Variants in LMO7 observed in about 807,000 individuals in gnomAD.
LMO7 encodes the protein LIM domain only protein 7.
LMO7 carries 120 observed loss-of-function variants against 206.5 expected under a neutral mutation model. That is an observed-to-expected ratio of 0.58 (90% CI 0.50 to 0.68). The LOEUF (loss-of-function observed/expected upper bound fraction) is 0.68. LMO7 is among the 30% of genes least tolerant of loss of function. LMO7 has a pLI of 0.00. For missense variants in LMO7, 1,959 were observed against 1,957.9 expected, an observed-to-expected ratio of 1.00 and a Z score of -0.01; for synonymous variants, 706 against 681.5, an observed-to-expected ratio of 1.04 and a Z score of -0.56.
intron 15 of LMO7, among the ~76,000 whole-genome samples, chr13:75,826,445 T>G (rs568652690): frequency 8.5e-5 from 13 of 152,172 alleles, no homozygotes; most frequent in Non-Finnish European, 1.8e-4. Flanking sequence ...AAGACTGGCA[T>G]CAGATTAACT....
intron 2 of LMO7, among the ~76,000 whole-genome samples, chr13:75,722,387 A>G (rs1021098016): frequency 6.6e-6 from 1 of 152,192 alleles, no homozygotes; most frequent in African/African-American, 2.4e-5. Flanking sequence ...GGCTAAGGAC[A>G]TAAATAGACA....
Position 75,821,548 on chromosome 13 carries a change from T to A in LMO7, c.2579T>A (p.Val860Asp). The A allele has an allele frequency of 6.2e-7, 1 of 1,614,022 alleles. No homozygotes were observed. The highest frequency in any genetic ancestry group is 1.7e-5 in the Admixed American group (1 of 60,016). ...GATACAGTCAGGTTAACATCTGTGG[T>A]CACACCAAGACCCTTTGGCTCTCAG... ...KTDTVRLTSV[V>D]TPRPFGSQTR... is the part of the protein sequence containing the mutation. Residue 860 changes from valine to aspartate, a missense_variant, in exon 14 of 31, where the codon GTC becomes GAC. Transcript: ENST00000377534.
chr13:75,626,596 T>TATATATACA (rs2034212591), intron 2 of LMO7, among the ~76,000 whole-genome samples: 1 of 119,902 alleles, frequency 8.3e-6, no homozygotes. Context: ...TATATATAAA[T>TATATATACA]TTTTTTGAGA....
At chr13:75,846,848 T>C (rs1163740382) in intron 26 of LMO7, among the ~76,000 whole-genome samples, 3 of 151,956 alleles carry the variant, frequency 2.0e-5, no homozygotes, top group African/African-American at 7.3e-5. Flanking sequence ...CTGACCAACA[T>C]AGTGAAACCC....
intron 1 of LMO7, among the ~76,000 whole-genome samples, chr13:75,711,945 C>T (rs1047926172): frequency 6.6e-6 from 1 of 152,214 alleles, no homozygotes; most frequent in Non-Finnish European, 1.5e-5. Context: ...GAAGGATCTA[C>T]CTCTTCCTGA....
intron 3 of LMO7, among the ~76,000 whole-genome samples, chr13:75,732,878 T>C (rs1020546149): frequency 6.6e-6 from 1 of 152,206 alleles, no homozygotes; most frequent in Admixed American, 6.5e-5. Context: ...TGGAGTTTGC[T>C]AGAGGTCCAC....
chr13:75,732,615 TCTC>T (rs2045363144), intron 3 of LMO7, among the ~76,000 whole-genome samples: 1 of 152,248 alleles, frequency 6.6e-6, no homozygotes, highest in African/African-American at 2.4e-5. Flanking sequence ...GAAGCCTTCT[TCTC>T]TCAACTCGTC....
chr13:75,681,736 A>ATATATATATATATG (rs1555293420), intron 1 of LMO7, among the ~76,000 whole-genome samples: 1 of 133,220 alleles, frequency 7.5e-6, no homozygotes, highest in African/African-American at 2.7e-5. Flanking sequence ...ATATATATAT[A>ATATATATATATATG]TATATATATA....
At chr13:75,783,729 A>T (rs1034367968) in intron 4 of LMO7, among the ~76,000 whole-genome samples, 3 of 152,162 alleles carry the variant, frequency 2.0e-5, no homozygotes, top group Non-Finnish European at 2.9e-5. Context: ...CTAAATTGTA[A>T]TTCTTCCTGC....
At chr13:75,856,696 C>A in intron 30 of LMO7, 88 bp downstream of exon 30, 1 of 773,698 alleles carries the variant, frequency 1.3e-6, no homozygotes. Flanking sequence ...AGCGAGCTCC[C>A]CTCCAAGTTC....
chr13:75,625,353 C>A (rs2033886171), intron 2 of LMO7, among the ~76,000 whole-genome samples: 1 of 152,088 alleles, frequency 6.6e-6, no homozygotes, highest in Non-Finnish European at 1.5e-5. Flanking sequence ...ACTATGACAG[C>A]ACTTCTTTAA....
rs756967076 is a variant in LMO7, at chr13:75,703,441, T to C, written c.70-9741T>C. ...ACAGACACTCTCATTTGATGCTCAATGCGCTGATATATAGAGAACTACCTA... is the reference window on the plus strand; with the variant it reads ...ACAGACACTCTCATTTGATGCTCAACGCGCTGATATATAGAGAACTACCTA... On this transcript the variant is annotated intron_variant, in intron 1 of 30. Transcript: ENST00000377534. 4.6e-5 allele frequency among the ~76,000 whole-genome samples: 7 copies of C among 152,272 alleles called. No individual in the cohort carries two copies. The East Asian group carries it at 9.6e-4, about 21-fold the overall frequency.
intron 2 of LMO7, among the ~76,000 whole-genome samples, chr13:75,630,691 A>C (rs2034803368): frequency 6.6e-6 from 1 of 152,206 alleles, no homozygotes. Flanking sequence ...CAAACAAAAA[A>C]GAAATAGCCA....
chr13:75,658,615 G>A (rs778403696), intron 1 of LMO7, among the ~76,000 whole-genome samples: 33 of 151,928 alleles, frequency 2.2e-4, no homozygotes, highest in South Asian at 4.2e-4. Context: ...ATGGAATCTC[G>A]CTCTGTCGCC....
chr13:75,809,274 G>A, intron 11 of LMO7, 91 bp downstream of exon 11: 1 of 1,113,840 alleles, frequency 9.0e-7, no homozygotes, highest in Admixed American at 1.8e-5. Context: ...GTCACTAAAT[G>A]GGGTTGTTGT....
intron 2 of LMO7, among the ~76,000 whole-genome samples, chr13:75,724,809 C>T (rs929202589): frequency 3.3e-5 from 5 of 152,104 alleles, no homozygotes; most frequent in African/African-American, 1.2e-4. Flanking sequence ...GTCTTGTAGT[C>T]CTTAGAATTG....
At chr13:75,657,471 A>G (rs570550302) in intron 1 of LMO7, among the ~76,000 whole-genome samples, 1 of 152,274 alleles carries the variant, frequency 6.6e-6, no homozygotes, top group East Asian at 1.9e-4. Context: ...TGAGCCAGCA[A>G]AGGAACACCT....
intron 20 of LMO7, 121 bp downstream of exon 20, chr13:75,838,317 C>A (rs182379413): frequency 6.5e-7 from 1 of 1,533,626 alleles, no homozygotes; most frequent in Admixed American, 1.9e-5. Flanking sequence ...TATGACCAAG[C>A]GACATAACCC....
chr13:75,744,415 C>CT (rs926160264), intron 3 of LMO7, among the ~76,000 whole-genome samples: 9 of 151,566 alleles, frequency 5.9e-5, no homozygotes, highest in African/African-American at 1.9e-4. Flanking sequence ...CTTAGGGCAA[C>CT]TTTTTTTTTG....
Sources: gnomAD v4.1 joint callset for allele counts (sites outside exome capture counted in the v4.1 genomes callset) on GRCh38, gnomAD v4.1.1 for gene constraint, MANE v1.5 for transcripts, NCBI Gene and HGNC (gene_info 2026-07-23, HGNC 2026-07-21) for gene names.